ZFHX3: variants seen among roughly 807,000 people sequenced by gnomAD.
ZFHX3 encodes the protein zinc finger homeobox 3.
A neutral mutation model predicts 279.1 loss-of-function variants in ZFHX3; 42 were observed. The observed-to-expected ratio is 0.15, with a 90% confidence interval of 0.12 to 0.19. The LOEUF (loss-of-function observed/expected upper bound fraction) is 0.19, where lower values mean the gene tolerates loss of function less well. ZFHX3 is among the 10% of genes least tolerant of loss of function. The probability of loss-of-function intolerance (pLI) is 1.00; values close to 1 mark genes in which losing one functional copy is unlikely to be tolerated. For missense variants in ZFHX3, 4,981 were observed against 4,754.0 expected (o/e 1.05, Z -1.40); for synonymous variants, 2,293 against 1,957.8 (o/e 1.17, Z -4.52).
At chr16:73,792,300 T>C (rs1959848715) in intron 1 of ZFHX3, among the ~76,000 whole-genome samples, 1 of 152,196 alleles carries the variant, frequency 6.6e-6, no homozygotes, top group African/African-American at 2.4e-5. Flanking sequence ...TGAACTCATT[T>C]CCAGGGGCGG....
At chr16:73,722,493 G>C (rs564354345) in intron 1 of ZFHX3, among the ~76,000 whole-genome samples, 1 of 152,332 alleles carries the variant, frequency 6.6e-6, no homozygotes, top group African/African-American at 2.4e-5. Flanking sequence ...AAATGCAGAA[G>C]TTCTTTTCTC....
In ZFHX3 at chr16:73,146,658, T is replaced by A. The variant is rs13339268; in HGVS notation, c.-1103-2827A>T. On this transcript the variant is annotated intron_variant, in intron 5 of 17. Coordinates refer to the ZFHX3 transcript ENST00000641206. ...AACTCTTTTCTTTCTTTTTATTTTT[T>A]AATTAATTATTATTATTATTTTTTG... 2.6e-5 allele frequency among the ~76,000 whole-genome samples: 4 copies of A among 152,166 alleles called. No homozygotes were observed. The East Asian group carries it at 5.8e-4, about 22-fold the overall frequency.
At chr16:73,693,266 G>C (rs2053165846) in intron 1 of ZFHX3, among the ~76,000 whole-genome samples, 1 of 152,092 alleles carries the variant, frequency 6.6e-6, no homozygotes, top group African/African-American at 2.4e-5. Context: ...CCAGTACCAT[G>C]TCCAGAAAAT....
rs554258706 is a variant in ZFHX3 at position 73,192,717 on chromosome 16, C to A, written c.-1103-48886G>T. Among the ~76,000 whole-genome samples the A allele has an allele frequency of 2.0e-5, 3 of 152,328 alleles. No individual in the cohort carries two copies. The East Asian group carries it at 5.8e-4, about 29-fold the overall frequency. On this transcript the variant is annotated intron_variant, in intron 5 of 17. Coordinates refer to the ZFHX3 transcript ENST00000641206. Reference sequence around the variant, plus strand: ...GTGACTAATCGCTCGTAATTGTCCTCGTTAATTTTAACCTCATGCGCTGGT... The same window carrying A: ...GTGACTAATCGCTCGTAATTGTCCTAGTTAATTTTAACCTCATGCGCTGGT...
intron 1 of ZFHX3, among the ~76,000 whole-genome samples, chr16:73,683,439 CTG>C (rs2053047390): frequency 6.6e-6 from 1 of 152,188 alleles, no homozygotes; most frequent in South Asian, 2.1e-4. Flanking sequence ...TTTTAAGTGA[CTG>C]TGATTAGGTC....
At chr16:73,291,759 G>C (rs1222861308) in intron 4 of ZFHX3, among the ~76,000 whole-genome samples, 1 of 152,282 alleles carries the variant, frequency 6.6e-6, no homozygotes, top group Non-Finnish European at 1.5e-5. Flanking sequence ...TAGAAGGCTG[G>C]ATAGGCTTTT....
chr16:73,399,839 T>TGTGTGTGTGC (rs1567472161), intron 3 of ZFHX3, among the ~76,000 whole-genome samples: 1 of 110,028 alleles, frequency 9.1e-6, no homozygotes, highest in Non-Finnish European at 1.9e-5. Flanking sequence ...TGGTGTGTGG[T>TGTGTGTGTGC]GTGTGTGTGT....
At chr16:73,288,786 C>T (rs919854600) in intron 4 of ZFHX3, among the ~76,000 whole-genome samples, 1 of 151,974 alleles carries the variant, frequency 6.6e-6, no homozygotes, top group Admixed American at 6.6e-5. Context: ...GTGCGTATAT[C>T]TTCGGTAAAT....
intron 3 of ZFHX3, among the ~76,000 whole-genome samples, chr16:72,922,329 G>T (rs865791287): frequency 6.6e-5 from 10 of 152,024 alleles, no homozygotes; most frequent in African/African-American, 2.4e-4. Context: ...AACCATCCCC[G>T]CATTAGGACG....
intron 4 of ZFHX3, among the ~76,000 whole-genome samples, chr16:72,876,316 T>C (rs2038311213): frequency 2.6e-5 from 4 of 152,304 alleles, no homozygotes; most frequent in South Asian, 2.1e-4. Context: ...AGAAACATGA[T>C]GGAATAAGCC....
intron 1 of ZFHX3, among the ~76,000 whole-genome samples, chr16:73,770,516 T>C (rs867624452): frequency 3.9e-5 from 6 of 152,368 alleles, no homozygotes; most frequent in African/African-American, 1.4e-4. Flanking sequence ...TGGTCAGTTA[T>C]GTGTTAATAT....
intron 2 of ZFHX3, among the ~76,000 whole-genome samples, chr16:73,557,598 A>G (rs2020307062): frequency 6.6e-6 from 1 of 152,112 alleles, no homozygotes; most frequent in African/African-American, 2.4e-5. Flanking sequence ...TTGTCATGGC[A>G]TTTGTAAACT....
intron 6 of ZFHX3, among the ~76,000 whole-genome samples, chr16:73,140,149 T>G (rs1966843526): frequency 6.6e-6 from 1 of 152,110 alleles, no homozygotes; most frequent in African/African-American, 2.4e-5. Flanking sequence ...GTGCCTGTAT[T>G]CCCAGCTACT....
intron 1 of ZFHX3, among the ~76,000 whole-genome samples, chr16:73,699,068 A>G (rs1188555775): frequency 1.3e-5 from 2 of 152,130 alleles, no homozygotes; most frequent in Non-Finnish European, 2.9e-5. Context: ...AATTTTTAGT[A>G]GAGACAAGGT....
intron 6 of ZFHX3, among the ~76,000 whole-genome samples, chr16:73,135,090 T>G (rs1379559988): frequency 3.3e-5 from 5 of 152,180 alleles, no homozygotes; most frequent in Non-Finnish European, 4.4e-5. Context: ...CCAATATATT[T>G]AAGTGAAATG....
intron 3 of ZFHX3, among the ~76,000 whole-genome samples, chr16:73,351,446 T>C (rs1188538504): frequency 1.3e-5 from 2 of 152,190 alleles, no homozygotes; most frequent in Non-Finnish European, 2.9e-5. Flanking sequence ...TAAACGCTGC[T>C]GGTCAGCCTG....
chr16:73,321,678 C>A (rs1010846421), intron 3 of ZFHX3, among the ~76,000 whole-genome samples: 1 of 152,220 alleles, frequency 6.6e-6, no homozygotes, highest in Non-Finnish European at 1.5e-5. Context: ...TGCTGCAGGC[C>A]ACCAGAGAGA....
intron 4 of ZFHX3, among the ~76,000 whole-genome samples, chr16:72,849,037 G>C (rs1311390914): frequency 6.6e-6 from 1 of 152,004 alleles, no homozygotes; most frequent in Non-Finnish European, 1.5e-5. Flanking sequence ...TCTTTCTTTC[G>C]TCTAGCAAAA....
rs540764711 is a variant in ZFHX3, at chr16:72,895,030, C to T, written c.3217-5068G>A. Among the ~76,000 whole-genome samples, 6 of 152,276 alleles carry T rather than the reference C, an allele frequency of 3.9e-5. No individual in the cohort carries two copies. In the South Asian group the frequency reaches 6.2e-4, roughly 16 times the overall value. On this transcript the variant is annotated intron_variant, in intron 3 of 9. Transcript: ENST00000268489. ...GGCAGTGTGCTGGGATGCATGCCAA[C>T]CGGGGACCCAAAGAAAACCAGCTGG...
Sources: gnomAD v4.1 joint callset for allele counts (sites outside exome capture counted in the v4.1 genomes callset) on GRCh38, gnomAD v4.1.1 for gene constraint, MANE v1.5 for transcripts, NCBI Gene and HGNC (gene_info 2026-07-23, HGNC 2026-07-21) for gene names.